Variants in MYPN observed in about 807,000 individuals in gnomAD.
The protein encoded by MYPN is myopalladin, also known as sarcomeric protein myopalladin, 145 kDa (MYOP).
In MYPN, 63 loss-of-function variants were observed where a neutral mutation model predicts 129.4. That is an observed-to-expected ratio of 0.49 (90% CI 0.40 to 0.60). The LOEUF (loss-of-function observed/expected upper bound fraction) is 0.60. Among genes scored for constraint, MYPN ranks in the 20% least tolerant of loss-of-function variants. The pLI is 0.00. For synonymous variants in MYPN, 629 were observed against 600.9 expected, an observed-to-expected ratio of 1.05 and a Z score of -0.68; for missense variants, 1,596 against 1,635.4, an observed-to-expected ratio of 0.98 and a Z score of 0.42.
At chr10:68,117,165 A>C (rs1348593074) in intron 1 of MYPN, among the ~76,000 whole-genome samples, 2 of 152,022 alleles carry the variant, frequency 1.3e-5, no homozygotes, top group Non-Finnish European at 2.9e-5. Flanking sequence ...TGGAGGTTGC[A>C]GTGAGCCGAC....
upstream of MYPN, among the ~76,000 whole-genome samples, chr10:68,104,725 C>T (rs909427717): frequency 2.6e-5 from 4 of 151,952 alleles, no homozygotes; most frequent in African/African-American, 9.7e-5. Flanking sequence ...AAACTTAAAC[C>T]CTATATAGTG....
intron 13 of MYPN, among the ~76,000 whole-genome samples, chr10:68,192,117 A>G (rs1273240354): frequency 6.6e-6 from 1 of 152,178 alleles, no homozygotes; most frequent in African/African-American, 2.4e-5. Context: ...TTCCCTGTTC[A>G]GTACGATATT....
intron 19 of MYPN, 22 bp from the exon 20 acceptor site, chr10:68,210,264 C>T (rs764182890): frequency 1.8e-5 from 29 of 1,612,420 alleles, no homozygotes; most frequent in African/African-American, 4.0e-5. Context: ...GATCATAACA[C>T]ATTATTTGGT....
upstream of MYPN, among the ~76,000 whole-genome samples, chr10:68,104,625 A>G (rs1257883188): frequency 6.6e-6 from 1 of 152,106 alleles, no homozygotes; most frequent in Non-Finnish European, 1.5e-5. Flanking sequence ...TATTGCAAGC[A>G]TTTGCTTTTT....
intron 10 of MYPN, among the ~76,000 whole-genome samples, chr10:68,168,075 C>A (rs575333087): frequency 9.8e-5 from 15 of 152,298 alleles, no homozygotes; most frequent in African/African-American, 3.1e-4. Context: ...CTGATCCATT[C>A]TTCTCTCTTT....
intron 6 of MYPN, among the ~76,000 whole-genome samples, chr10:68,157,023 C>T (rs1352272962): frequency 6.6e-6 from 1 of 152,182 alleles, no homozygotes; most frequent in African/African-American, 2.4e-5. Flanking sequence ...GTATTGTTTT[C>T]AGCTCACAAA....
upstream of MYPN, among the ~76,000 whole-genome samples, chr10:68,108,222 A>G (rs2042035766): frequency 6.6e-6 from 1 of 152,222 alleles, no homozygotes; most frequent in Admixed American, 6.5e-5. Flanking sequence ...GAATTATTTA[A>G]AAGTGTTCTT....
intron 7 of MYPN, 84 bp downstream of exon 7, chr10:68,158,711 C>A: frequency 1.0e-6 from 1 of 1,001,464 alleles, no homozygotes; most frequent in Non-Finnish European, 1.5e-6. Flanking sequence ...TTTTTAACAA[C>A]TAATTAAAAA....
chr10:68,190,371 G>A (rs536740301), intron 13 of MYPN, among the ~76,000 whole-genome samples: 2 of 152,220 alleles, frequency 1.3e-5, no homozygotes, highest in Admixed American at 6.5e-5. Context: ...ATTTTTAGTA[G>A]AGACGGGGTT....
intron 2 of MYPN, among the ~76,000 whole-genome samples, chr10:68,122,583 T>C (rs1208837744): frequency 6.6e-6 from 1 of 152,196 alleles, no homozygotes; most frequent in East Asian, 1.9e-4. Context: ...GTTAATAACA[T>C]ACATTATTTA....
At chr10:68,163,486 C>G (rs772901353) in intron 8 of MYPN, among the ~76,000 whole-genome samples, 1 of 149,988 alleles carries the variant, frequency 6.7e-6, no homozygotes. Flanking sequence ...AAAATTAGCC[C>G]GGCGTGGTGG....
chr10:68,117,862 C>T (rs1251044204), intron 1 of MYPN, among the ~76,000 whole-genome samples: 1 of 151,602 alleles, frequency 6.6e-6, no homozygotes, highest in Non-Finnish European at 1.5e-5. Context: ...CACATTTAAT[C>T]ATCACTTCTA....
In MYPN at chr10:68,174,477, A is replaced by C; in HGVS notation, c.2385A>C (p.Pro795=). 1.2e-6 allele frequency: 2 copies of C among 1,613,684 alleles called. No individual in the cohort carries two copies. Among genetic ancestry groups the C allele is most frequent in the Non-Finnish European group, 1.7e-6 (2 of 1,179,860 alleles). Residue 795 remains proline, a synonymous_variant, in exon 11 of 20, where the codon CCA becomes CCC. Coordinates refer to ENST00000358913, the MANE Select transcript of MYPN (RefSeq NM_032578.4). The part of the protein sequence containing the change: ...LPPGPTEPTP[P]PFTFSIPSGN... Reference sequence around the variant, plus strand: ...CAGGCCCAACAGAACCAACACCACCACCATTCACATTTTCCATCCCCAGCG... The same window carrying C: ...CAGGCCCAACAGAACCAACACCACCCCCATTCACATTTTCCATCCCCAGCG...
chr10:68,124,244 T>A (rs1274780129), intron 2 of MYPN, among the ~76,000 whole-genome samples: 1 of 152,224 alleles, frequency 6.6e-6, no homozygotes, highest in Non-Finnish European at 1.5e-5. Context: ...TTTGATTTTA[T>A]AATGGAATAA....
intron 18 of MYPN, among the ~76,000 whole-genome samples, chr10:68,202,615 G>A (rs1564699826): frequency 6.6e-6 from 1 of 152,108 alleles, no homozygotes; most frequent in Admixed American, 6.5e-5. Context: ...TTTAAAGTAA[G>A]CTTAAGGATC....
chr10:68,160,589 TC>T (rs1298093359), intron 7 of MYPN, among the ~76,000 whole-genome samples: 1 of 152,202 alleles, frequency 6.6e-6, no homozygotes, highest in African/African-American at 2.4e-5. Context: ...GTGGGCACTT[TC>T]ATGAAGCCCA....
chr10:68,126,158 T>C (rs74770454), intron 2 of MYPN, among the ~76,000 whole-genome samples: 3,507 of 152,062 alleles, frequency 0.023, 145 homozygotes, highest in African/African-American at 0.08. Context: ...GTCAAGAACA[T>C]AGGGTAAAGG....
chr10:68,130,193 C>T (rs1272940799), intron 2 of MYPN, among the ~76,000 whole-genome samples: 1 of 152,172 alleles, frequency 6.6e-6, no homozygotes, highest in Non-Finnish European at 1.5e-5. Context: ...GGTGTGGTGG[C>T]TCACGCCTGT....
At chr10:68,099,860 T>G (rs116627609) in intron 1 of MYPN, among the ~76,000 whole-genome samples, 50 of 152,256 alleles carry the variant, frequency 3.3e-4, no homozygotes, top group African/African-American at 1.2e-3. Context: ...GCATCTTCTG[T>G]GTTTTTTTCC....
Sources: gnomAD v4.1 joint callset for allele counts (sites outside exome capture counted in the v4.1 genomes callset) on GRCh38, gnomAD v4.1.1 for gene constraint, MANE v1.5 for transcripts, NCBI Gene and HGNC (gene_info 2026-07-23, HGNC 2026-07-21) for gene names.